Variants in ZC3H12C observed in about 807,000 individuals in gnomAD.
The protein encoded by ZC3H12C is probable ribonuclease ZC3H12C.
Under a neutral mutation model 76.3 loss-of-function variants are expected in ZC3H12C, and 20 were observed. The ratio of observed to expected loss-of-function variants is 0.26; its 90% CI spans 0.18 to 0.38. The LOEUF (loss-of-function observed/expected upper bound fraction) is 0.38. Among genes scored for constraint, ZC3H12C ranks in the 10% least tolerant of loss-of-function variants. The pLI, the probability that ZC3H12C is intolerant of heterozygous loss-of-function variation, is 1.00. For synonymous variants in ZC3H12C, 352 were observed against 399.6 expected, an observed-to-expected ratio of 0.88 and a Z score of 1.42; for missense variants, 874 against 1,086.5, an observed-to-expected ratio of 0.80 and a Z score of 2.75.
At chr11:110,148,129 G>C (rs1379997868) in intron 2 of ZC3H12C, among the ~76,000 whole-genome samples, 2 of 152,174 alleles carry the variant, frequency 1.3e-5, no homozygotes, top group African/African-American at 4.8e-5. Flanking sequence ...TCTTCCTCCA[G>C]TTTCTTAATT....
intron 1 of ZC3H12C, among the ~76,000 whole-genome samples, chr11:110,133,611 C>A (rs1861903276): frequency 6.6e-6 from 1 of 151,956 alleles, no homozygotes. Flanking sequence ...AAATTGTGTG[C>A]AAATTACATA....
At chr11:110,137,851 C>A (rs1181490551) in intron 2 of ZC3H12C, among the ~76,000 whole-genome samples, 2 of 151,828 alleles carry the variant, frequency 1.3e-5, no homozygotes, top group South Asian at 2.1e-4. Context: ...GAGAAAAAAC[C>A]AAAGCTGTAG....
At chr11:110,159,139 T>G (rs1862431436) in intron 3 of ZC3H12C, 117 bp from the exon 4 acceptor site, 9 of 724,436 alleles carry the variant, frequency 1.2e-5, no homozygotes, top group African/African-American at 3.6e-5. Context: ...TCATAATCCC[T>G]AATTAAAGGA....
At chr11:110,125,302 TG>T in intron 1 of ZC3H12C, among the ~76,000 whole-genome samples, 1 of 146,262 alleles carries the variant, frequency 6.8e-6, no homozygotes, top group South Asian at 2.1e-4. Context: ...TGTGTGTGTG[TG>T]TGTGTGTGTG....
intron 1 of ZC3H12C, among the ~76,000 whole-genome samples, chr11:110,132,550 G>C (rs1242565564): frequency 2.6e-5 from 4 of 152,098 alleles, no homozygotes; most frequent in African/African-American, 9.7e-5. Flanking sequence ...GGAATTTATA[G>C]ATTTATAATT....
At chr11:110,124,594 T>A (rs912889374) in intron 1 of ZC3H12C, among the ~76,000 whole-genome samples, 1 of 152,148 alleles carries the variant, frequency 6.6e-6, no homozygotes, top group African/African-American at 2.4e-5. Flanking sequence ...ATGGAAAAAA[T>A]AAGTCTTGAG....
chr11:110,115,227 T>G (rs1031274315), intron 1 of ZC3H12C, among the ~76,000 whole-genome samples: 13 of 151,194 alleles, frequency 8.6e-5, no homozygotes, highest in Admixed American at 2.0e-4. Context: ...CTGCCTCAGT[T>G]TCTTCAGTAG....
intron 2 of ZC3H12C, among the ~76,000 whole-genome samples, chr11:110,142,658 T>G (rs1862087485): frequency 6.6e-6 from 1 of 152,180 alleles, no homozygotes; most frequent in Non-Finnish European, 1.5e-5. Context: ...GGGTAATAAT[T>G]ACTGCATAAT....
intron 2 of ZC3H12C, among the ~76,000 whole-genome samples, chr11:110,143,669 G>T (rs1056625305): frequency 1.3e-5 from 2 of 152,046 alleles, no homozygotes; most frequent in Admixed American, 6.5e-5. Context: ...ACACACACAC[G>T]TATATGTATT....
intron 2 of ZC3H12C, among the ~76,000 whole-genome samples, chr11:110,145,223 G>A (rs1020900185): frequency 6.6e-6 from 1 of 152,094 alleles, no homozygotes; most frequent in Non-Finnish European, 1.5e-5. Flanking sequence ...AAATTATTTT[G>A]ACTTCTTAGG....
At chr11:110,136,597 C>G (rs941439549) in intron 1 of ZC3H12C, 66 bp from the exon 2 acceptor site, 25 of 1,519,392 alleles carry the variant, frequency 1.6e-5, no homozygotes, top group Non-Finnish European at 1.6e-5. Flanking sequence ...TCTCTTCTGA[C>G]TTCTCCATTG....
Position 110,165,343 on chromosome 11 carries a change from ACT to A in ZC3H12C, c.2262_2263del (p.Arg755ThrfsTer3). On this transcript the variant is annotated frameshift_variant, in exon 6 of 6. Coordinates refer to ENST00000278590, the MANE Select transcript of ZC3H12C (RefSeq NM_033390.2). LOFTEE classifies it high-confidence loss of function. ...GCCACGAGAATAGACAGCATCTCTG[ACT>A]CTCGACTTTATGACAGTTCTCCTTC... The A allele has an allele frequency of 6.2e-7, 1 of 1,613,752 alleles. No individual in the cohort carries two copies. The highest frequency in any genetic ancestry group is 2.2e-5 in the East Asian group (1 of 44,856).
chr11:110,096,687 G>A (rs927657996), intron 1 of ZC3H12C, among the ~76,000 whole-genome samples: 1 of 152,236 alleles, frequency 6.6e-6, no homozygotes, highest in Non-Finnish European at 1.5e-5. Flanking sequence ...GTGTCATCAT[G>A]TATGTTGTTT....
At position 110,137,032 on chromosome 11, in the gene ZC3H12C, C is replaced by T. The variant is rs374188395; in HGVS notation, c.391C>T (p.Leu131Phe). ...GTCTCCCTGTTTAGAGCCTCACATA[C>T]TCAAGCGCAATGAAATTTTGCAAGA... ...CRSPCLEPHI[L>F]KRNEILQDFK... The change falls in exon 2 of 6, where the codon CTC becomes TTC. Residue 131 changes from leucine (L) to phenylalanine (F), a missense_variant. Physicochemically the swap from Leu to Phe is conservative, Grantham distance 22. Transcript: ENST00000278590. 1.2e-6 allele frequency: 2 copies of T among 1,613,710 alleles called. No homozygotes were observed. The highest frequency in any genetic ancestry group is 1.3e-5 in the African/African-American group (1 of 74,926).
chr11:110,103,441 A>T (rs2134146111), intron 1 of ZC3H12C, among the ~76,000 whole-genome samples: 1 of 152,318 alleles, frequency 6.6e-6, no homozygotes, highest in African/African-American at 2.4e-5. Flanking sequence ...ATAGTAGCTA[A>T]CATTTATTGG....
chr11:110,094,106 T>C (rs1861068419), intron 1 of ZC3H12C, among the ~76,000 whole-genome samples: 1 of 152,228 alleles, frequency 6.6e-6, no homozygotes, highest in African/African-American at 2.4e-5. Context: ...ATCCCGCATT[T>C]CTTCCCTAAG....
intron 1 of ZC3H12C, among the ~76,000 whole-genome samples, chr11:110,110,008 A>C (rs1861398854): frequency 6.6e-6 from 1 of 152,104 alleles, no homozygotes; most frequent in Admixed American, 6.5e-5. Context: ...ACAGGCACAA[A>C]TGTTTGCCTG....
chr11:110,130,831 C>T (rs75816990), intron 1 of ZC3H12C, among the ~76,000 whole-genome samples: 22 of 152,260 alleles, frequency 1.4e-4, no homozygotes, highest in Non-Finnish European at 2.4e-4. Flanking sequence ...GCAGACCCTG[C>T]GAATGACATC....
rs1287969770 is a variant in ZC3H12C at position 110,165,489 on chromosome 11, C to A, written c.2404C>A (p.Pro802Thr). Residue 802 changes from proline (P) to threonine (T), a missense_variant, in exon 6 of 6, where the codon CCG becomes ACG. Coordinates refer to ENST00000278590, the MANE Select transcript of ZC3H12C (RefSeq NM_033390.2). ...TTCCTTGCCCGATAACTCCACACAG[C>A]CGTGTTATGAGCAGTTCACCTTCCA... ...TYSLPDNSTQ[P>T]CYEQFTFQSL... The A allele has an allele frequency of 5.0e-6, 8 of 1,613,886 alleles. No individual in the cohort carries two copies. The Admixed American group carries it at 1.0e-4, about 20-fold the overall frequency.
Sources: gnomAD v4.1 joint callset for allele counts (sites outside exome capture counted in the v4.1 genomes callset) on GRCh38, gnomAD v4.1.1 for gene constraint, MANE v1.5 for transcripts, NCBI Gene and HGNC (gene_info 2026-07-23, HGNC 2026-07-21) for gene names.